Variants in CERS1 observed in about 807,000 individuals in gnomAD.
CERS1 encodes the protein ceramide synthase 1, also known as Embryonic growth/differentiation factor 1.
A neutral mutation model predicts 35.7 loss-of-function variants in CERS1; 16 were observed. That is an observed-to-expected ratio of 0.45 (90% confidence interval 0.30 to 0.68). CERS1 has a LOEUF of 0.68. Ranked by LOEUF, CERS1 falls within the 30% of genes least tolerant of loss-of-function variation. CERS1 has a pLI of 0.08. For missense variants in CERS1, 454 were observed against 453.9 expected, an observed-to-expected ratio of 1.00 and a Z score of 0.00; for synonymous variants, 243 against 201.6, an observed-to-expected ratio of 1.21 and a Z score of -1.74.
rs1376108272 is a variant in CERS1 at position 18,879,000 on chromosome 19, C to A, written c.940G>T (p.Val314Leu). The part of the protein sequence containing the change: ...AFAAKVLTGQ[V>L]HELKDLREYD... Reference sequence around the variant, plus strand: ...TCCCGCAGGTCCTTCAGCTCGTGCACCTGGCCTGTCAACACCTTGGCTGCA... The same window carrying A: ...TCCCGCAGGTCCTTCAGCTCGTGCAACTGGCCTGTCAACACCTTGGCTGCA... The change falls in exon 6 of 8, where the codon GTG (valine) becomes TTG (leucine). Residue 314 changes from valine to leucine, a missense_variant. Val to Leu is a conservative substitution (Grantham distance 32). Coordinates refer to ENST00000623882, the MANE Select transcript of CERS1 (RefSeq NM_021267.5). This position sits in a 1 kb window ranked among gnomAD's most constrained non-coding sequence, Gnocchi z 4.6. 1.3e-5 allele frequency: 21 copies of A among 1,613,684 alleles called. No individual in the cohort carries two copies. Among genetic ancestry groups the A allele is most frequent in the Non-Finnish European group, 1.7e-5 (20 of 1,179,862 alleles).
At position 18,870,215 on chromosome 19, in the gene CERS1, C is replaced by T. The variant is rs1016588989; in HGVS notation, c.*362G>A. The T allele has an allele frequency of 2.6e-6, 4 of 1,555,494 alleles. No homozygotes were observed. The highest frequency in any genetic ancestry group is 2.3e-5 in the East Asian group (1 of 43,136). On this transcript the variant is annotated 3_prime_UTR_variant, in exon 7 of 8. Coordinates refer to ENST00000623882, the MANE Select transcript of CERS1 (RefSeq NM_021267.5). The surrounding 1 kb of genome is among the most constrained non-coding windows in gnomAD (Gnocchi z 5.1). ...GCAGGGCGGCGGCTGGGCCTGGGGG[C>T]ACGGGGGCGCGGGTCAGGGGCAGCG...
At position 18,879,274 on chromosome 19, in the gene CERS1, C is replaced by T. The variant is rs1161578659; in HGVS notation, c.867G>A (p.Leu289=). The T allele has an allele frequency of 3.1e-6, 5 of 1,613,558 alleles. No individual in the cohort carries two copies. In the South Asian group the frequency reaches 5.5e-5, roughly 18 times the overall value. Residue 289 remains leucine (L), a synonymous_variant, in exon 5 of 8, where the codon CTG becomes CTA. Transcript: ENST00000623882. The stretch of plus-strand genomic sequence containing the variant: ...AGTAGAGGTTCATAAGGGTGAGCAG[C>T]AGCAGGAGCGCATTGAAGAAGAAGT... ...PFYFFFNALL[L]LLTLMNLYWF...
chr19:18,875,689 A>C (rs977098909), intron 6 of CERS1, among the ~76,000 whole-genome samples: 13 of 152,168 alleles, frequency 8.5e-5, no homozygotes, highest in Non-Finnish European at 1.8e-4. Flanking sequence ...TTTCTTGGTC[A>C]TGAGACCACA....
chr19:18,895,754 G>A lies in CERS1; in HGVS notation c.249+70C>T. 1.2e-6 allele frequency: 1 copy of A among 860,306 alleles called. No individual in the cohort carries two copies. The highest frequency in any genetic ancestry group is 1.5e-6 in the Non-Finnish European group (1 of 670,716). The allele number at this position is 860,306 out of a possible 1,614,324, so 53.3% of individuals were successfully genotyped here. A position where few individuals can be genotyped will look rare whatever the true frequency, so the allele number is the denominator to read the frequency against. On this transcript the variant is annotated intron_variant, in intron 1 of 7. Transcript: ENST00000623882. This position sits in a 1 kb window ranked among gnomAD's most constrained non-coding sequence, Gnocchi z 6.4. ...CGCTGGAAGAAAGGAACGCGCCGGC[G>A]GCCCCAGGTCCCCGGTCCCGGCTTC... is the stretch of plus-strand genomic sequence containing the variant.
intron 3 of CERS1, among the ~76,000 whole-genome samples, chr19:18,880,985 CA>C (rs1363582543): frequency 2.0e-5 from 3 of 152,116 alleles, no homozygotes; most frequent in Non-Finnish European, 4.4e-5. Flanking sequence ...AGGCGCGAGC[CA>C]CTGTGCCCGG....
intron 2 of CERS1, among the ~76,000 whole-genome samples, chr19:18,887,189 C>T (rs1474612108): frequency 2.6e-5 from 4 of 152,198 alleles, no homozygotes; most frequent in African/African-American, 9.7e-5. Context: ...GAATGAAGCA[C>T]GGATCCATGC....
At chr19:18,883,955 G>T in intron 3 of CERS1, 132 bp downstream of exon 3, 1 of 966,072 alleles carries the variant, frequency 1.0e-6, no homozygotes, top group Non-Finnish European at 1.5e-6. Flanking sequence ...TGAGCACTCT[G>T]ACCTTGGAAC....
intron 3 of CERS1, chr19:18,883,516 G>C (rs538428585): frequency 6.6e-5 from 10 of 152,402 alleles, no homozygotes; most frequent in African/African-American, 2.4e-4. Context: ...CTGGGTGACA[G>C]AGTGAGACCT....
intron 3 of CERS1, among the ~76,000 whole-genome samples, chr19:18,881,044 C>A (rs1477305923): frequency 2.6e-5 from 4 of 151,750 alleles, no homozygotes; most frequent in African/African-American, 9.7e-5. Flanking sequence ...GACCTCTGAC[C>A]CTCTATGACC....
rs994977151 is a variant in CERS1, at chr19:18,878,430, C to T, written c.1010+500G>A. 1.1e-5 allele frequency: 11 copies of T among 990,296 alleles called. No individual in the cohort carries two copies. The highest frequency in any genetic ancestry group is 1.1e-5 in the Non-Finnish European group (9 of 832,770). The allele number at this position is 990,296 out of a possible 1,614,324, so 61.3% of individuals were successfully genotyped here. ...GAGTCTGAGCTCCCAGCCCCAGCTC[C>T]TGTTTGGCCGGGCAGTGGGCTCCCC... On this transcript the variant is annotated intron_variant, in intron 6 of 7. Coordinates refer to ENST00000623882, the MANE Select transcript of CERS1 (RefSeq NM_021267.5). The surrounding 1 kb of genome is among the most constrained non-coding windows in gnomAD (Gnocchi z 4.6).
At position 18,870,117 on chromosome 19, in the gene CERS1, C is replaced by A; in HGVS notation, c.*460G>T. On this transcript the variant is annotated 3_prime_UTR_variant, in exon 7 of 8. Transcript: ENST00000623882. This position sits in a 1 kb window ranked among gnomAD's most constrained non-coding sequence, Gnocchi z 5.1. The stretch of plus-strand genomic sequence containing the variant: ...CTGGGGGTCCCGGCGTCGAAACAGG[C>A]GCCACATGACCGGGGGAACCGGCCG... 6.4e-7 allele frequency: 1 copy of A among 1,566,528 alleles called. No homozygotes were observed. Among genetic ancestry groups the A allele is most frequent in the Non-Finnish European group, 8.6e-7 (1 of 1,161,316 alleles).
intron 2 of CERS1, 141 bp downstream of exon 2, chr19:18,893,275 C>T (rs546459665): frequency 5.3e-5 from 46 of 863,454 alleles, no homozygotes; most frequent in South Asian, 2.8e-4. Context: ...AGTGCAGTGG[C>T]GTGCTCATAG....
Position 18,879,052 on chromosome 19 carries a change from A to G in CERS1, c.901-13T>C. On this transcript the variant is annotated splice_polypyrimidine_tract_variant and intron_variant, in intron 5 of 7. Coordinates refer to ENST00000623882, the MANE Select transcript of CERS1 (RefSeq NM_021267.5). ...ACGCCACGATGTACTGCGAGAGGGG[A>G]GGGGAGGTGCCAGTGAGAAGAAAGC... 6.2e-7 allele frequency: 1 copy of G among 1,612,214 alleles called. No homozygotes were observed. Among genetic ancestry groups the G allele is most frequent in the Non-Finnish European group, 8.5e-7 (1 of 1,179,552 alleles).
intron 5 of CERS1, 26 bp from the exon 6 acceptor site, chr19:18,879,065 G>A: frequency 6.2e-7 from 1 of 1,610,676 alleles, no homozygotes; most frequent in South Asian, 1.1e-5. Flanking sequence ...GGAGGTGCCA[G>A]TGAGAAGAAA....
chr19:18,877,441 A>C (rs1194750078), intron 6 of CERS1, among the ~76,000 whole-genome samples: 1 of 152,210 alleles, frequency 6.6e-6, no homozygotes, highest in Non-Finnish European at 1.5e-5. Context: ...GGAGAGACCT[A>C]GCTGATCTCT....
rs1019440616 is a variant in CERS1, at chr19:18,880,487, C to T, written c.591-52G>A. Reference sequence around the variant, plus strand: ...AGGGCAGCTCACATTGGGGGACCTCCACTCTGCACTAAGGCCCCCAGCAGA... The same window carrying T: ...AGGGCAGCTCACATTGGGGGACCTCTACTCTGCACTAAGGCCCCCAGCAGA... On this transcript the variant is annotated intron_variant, in intron 3 of 7. Transcript: ENST00000623882. The T allele has an allele frequency of 6.0e-6, 9 of 1,500,710 alleles. No homozygotes were observed. In the African/African-American group the frequency reaches 1.2e-4, roughly 21 times the overall value. 93.0% of individuals were successfully genotyped at this position (1,500,710 alleles called of 1,614,324 possible).
chr19:18,888,519 TAAAAAAA>T (rs781426705), intron 2 of CERS1, among the ~76,000 whole-genome samples: 1 of 59,030 alleles, frequency 1.7e-5, no homozygotes, highest in Non-Finnish European at 3.0e-5. Flanking sequence ...CCCTGTCTCT[TAAAAAAA>T]AAAAAAAAAA....
At chr19:18,882,482 A>T (rs2056236259) in intron 3 of CERS1, among the ~76,000 whole-genome samples, 1 of 151,344 alleles carries the variant, frequency 6.6e-6, no homozygotes, top group Admixed American at 6.6e-5. Flanking sequence ...AAAATATAAT[A>T]ATTAGCCGGT....
At chr19:18,892,546 G>A (rs550689460) in intron 2 of CERS1, among the ~76,000 whole-genome samples, 8 of 152,086 alleles carry the variant, frequency 5.3e-5, no homozygotes, top group South Asian at 2.1e-4. Context: ...CCCAGGAGGC[G>A]GAGCTCACAG....
Sources: allele counts gnomAD v4.1 joint callset (sites outside exome capture counted in the v4.1 genomes callset), GRCh38; gene constraint gnomAD v4.1.1; non-coding constraint Gnocchi (gnomAD v3.1); transcripts MANE v1.5; gene names NCBI Gene and HGNC (gene_info 2026-07-23, HGNC 2026-07-21).